Variants in DMD observed in about 807,000 individuals in gnomAD.
The protein encoded by DMD is dystrophin, also known as mutant dystrophin.
A neutral mutation model predicts 330.1 loss-of-function variants in DMD; 63 were observed. The ratio of observed to expected loss-of-function variants is 0.19; its 90% CI spans 0.16 to 0.24. The LOEUF is 0.24. DMD is among the 10% of genes least tolerant of loss of function. The pLI, the probability that DMD is intolerant of heterozygous loss-of-function variation, is 1.00. For synonymous variants in DMD, 1,223 were observed against 959.8 expected (o/e 1.27, Z -5.07); for missense variants, 3,344 against 2,684.1 (o/e 1.25, Z -5.43).
intron 63 of DMD, among the ~76,000 whole-genome samples, chrX:31,244,976 G>A (rs1569498616): frequency 9.0e-6 from 1 of 111,712 alleles, no homozygotes; most frequent in Non-Finnish European, 1.9e-5. Context: ...AATGTTTACT[G>A]AAGCAGGAAA....
intron 1 of DMD, among the ~76,000 whole-genome samples, chrX:33,197,872 C>T (rs2051037335): frequency 9.0e-6 from 1 of 111,034 alleles, no homozygotes; most frequent in Non-Finnish European, 1.9e-5. Context: ...TTGTTTCTAG[C>T]TACTGCATTC....
At chrX:32,637,347 C>A (rs893838130) in intron 11 of DMD, among the ~76,000 whole-genome samples, 9 of 111,999 alleles carry the variant, frequency 8.0e-5, no homozygotes, top group Non-Finnish European at 1.7e-4. Flanking sequence ...TAATTATGAA[C>A]AAGACATAGT....
intron 37 of DMD, among the ~76,000 whole-genome samples, chrX:32,359,230 T>C (rs377590309): frequency 1.8e-5 from 2 of 112,084 alleles, no homozygotes; most frequent in Non-Finnish European, 3.8e-5. Context: ...TCGGAATTTC[T>C]TGTCATGAAC....
At chrX:31,776,844 T>C (rs1231290290) in intron 50 of DMD, among the ~76,000 whole-genome samples, 2 of 112,022 alleles carry the variant, frequency 1.8e-5, no homozygotes, top group Admixed American at 1.9e-4. Context: ...CAGAGGATGA[T>C]GGAGAGGTCT....
intron 55 of DMD, among the ~76,000 whole-genome samples, chrX:31,536,713 T>A (rs150246375): frequency 2.7e-4 from 30 of 111,806 alleles, no homozygotes; most frequent in Admixed American, 4.8e-4. Context: ...ATGCCCATCC[T>A]CCTTCCCTTC....
At chrX:33,067,104 T>A (rs935932334) in intron 1 of DMD, among the ~76,000 whole-genome samples, 2 of 111,981 alleles carry the variant, frequency 1.8e-5, no homozygotes, top group African/African-American at 6.5e-5. Flanking sequence ...AATAAGCAAT[T>A]CCTGTTCAGT....
intron 55 of DMD, among the ~76,000 whole-genome samples, chrX:31,529,891 T>A (rs1386834220): frequency 1.0e-5 from 1 of 95,773 alleles, no homozygotes; most frequent in African/African-American, 4.1e-5. Context: ...GAAAGAAAGA[T>A]TTCTTTAAAA....
chrX:32,095,563 T>C (rs1474487857), intron 44 of DMD, among the ~76,000 whole-genome samples: 1 of 112,011 alleles, frequency 8.9e-6, no homozygotes, highest in Non-Finnish European at 1.9e-5. Flanking sequence ...GGATAAAAGT[T>C]GAACAGCACT....
chrX:32,587,403 G>A (rs760902499), intron 13 of DMD, among the ~76,000 whole-genome samples: 2 of 112,291 alleles, frequency 1.8e-5, no homozygotes, highest in South Asian at 7.4e-4. Flanking sequence ...TACTTATCCA[G>A]ATTTGTCACC....
intron 1 of DMD, among the ~76,000 whole-genome samples, chrX:33,168,730 C>T (rs1450392985): frequency 3.6e-5 from 4 of 109,864 alleles, no homozygotes; most frequent in Non-Finnish European, 7.6e-5. Context: ...TTGATGATGC[C>T]TTGAGTGTGG....
chrX:32,720,011 A>G lies in DMD; in HGVS notation c.650-20718T>C, dbSNP rs950475729. ...ATACACACACACACGTTTTAATATT[A>G]AAGTAAATTAAATATATTAAGTAAA... On this transcript the variant is annotated intron_variant, in intron 7 of 78. Transcript: ENST00000357033. Among the ~76,000 whole-genome samples the G allele has an allele frequency of 5.4e-5, 6 of 110,478 alleles. No homozygotes were observed. In the East Asian group the frequency reaches 1.7e-3, roughly 31 times the overall value.
rs764939747 is a variant in DMD, at chrX:31,482,105, C to T, written c.8548-3002G>A. ...TAAGTCTTTGGGCAAAGGAAGGGCA[C>T]AGCAACAATATTTACTGTAAGGTAA... is the stretch of plus-strand genomic sequence containing the variant. On this transcript the variant is annotated intron_variant, in intron 57 of 78. Coordinates refer to ENST00000357033, the MANE Select transcript of DMD (RefSeq NM_004006.3). Among the ~76,000 whole-genome samples, 5 of 111,006 alleles carry T rather than the reference C, an allele frequency of 4.5e-5. No individual in the cohort carries two copies. The South Asian group carries it at 1.9e-3, about 42-fold the overall frequency.
chrX:32,988,990 A>G (rs1220771548), intron 2 of DMD, among the ~76,000 whole-genome samples: 1 of 111,811 alleles, frequency 8.9e-6, no homozygotes, highest in East Asian at 2.8e-4. Flanking sequence ...GAAAAATTTA[A>G]TACAAATTCT....
chrX:32,858,982 C>T (rs1332197618), intron 2 of DMD, among the ~76,000 whole-genome samples: 1 of 111,417 alleles, frequency 9.0e-6, no homozygotes, highest in Non-Finnish European at 1.9e-5. Flanking sequence ...TTCTGAGGCA[C>T]AATTTATTCA....
intron 7 of DMD, among the ~76,000 whole-genome samples, chrX:32,747,988 A>G (rs1234196347): frequency 1.8e-5 from 2 of 111,938 alleles, no homozygotes; most frequent in Admixed American, 1.9e-4. Flanking sequence ...GCTACTCTTT[A>G]TTTGGTACTT....
intron 2 of DMD, among the ~76,000 whole-genome samples, chrX:33,008,964 A>G (rs1390507320): frequency 2.5e-4 from 22 of 88,589 alleles, no homozygotes; most frequent in East Asian, 6.7e-4. Flanking sequence ...ATATATACAT[A>G]TGTGTATATA....
At chrX:33,337,616 A>G (rs1244516108) in intron 1 of DMD, among the ~76,000 whole-genome samples, 1 of 112,247 alleles carries the variant, frequency 8.9e-6, no homozygotes, top group Non-Finnish European at 1.9e-5. Flanking sequence ...ATGATATTCA[A>G]CCACGGTAAT....
intron 7 of DMD, among the ~76,000 whole-genome samples, chrX:32,734,772 A>T (rs1173312703): frequency 1.8e-5 from 2 of 108,448 alleles, no homozygotes; most frequent in African/African-American, 7.0e-5. Context: ...TTTCAAAATA[A>T]TAAGAGCTAT....
chrX:32,467,328 C>G (rs975796050), intron 23 of DMD, among the ~76,000 whole-genome samples: 2 of 110,811 alleles, frequency 1.8e-5, no homozygotes, highest in African/African-American at 6.6e-5. Flanking sequence ...CATTACTTAC[C>G]TTATTGAATA....
Sources: gnomAD v4.1 joint callset for allele counts (sites outside exome capture counted in the v4.1 genomes callset) on GRCh38, gnomAD v4.1.1 for gene constraint, MANE v1.5 for transcripts, NCBI Gene and HGNC (gene_info 2026-07-23, HGNC 2026-07-21) for gene names.